Variants in MYOM1 observed in about 807,000 individuals in gnomAD.
MYOM1 encodes myomesin-1.
In MYOM1, 164 loss-of-function variants were observed where a neutral mutation model predicts 205.3. The ratio of observed to expected loss-of-function variants is 0.80; its 90% CI spans 0.70 to 0.91. The LOEUF (loss-of-function observed/expected upper bound fraction) is 0.91. Among genes scored for constraint, MYOM1 ranks in the 40% least tolerant of loss-of-function variants. The pLI, the probability that MYOM1 is intolerant of heterozygous loss-of-function variation, is 0.00. For missense variants in MYOM1, 2,011 were observed against 2,127.3 expected, an observed-to-expected ratio of 0.95 and a Z score of 1.08; for synonymous variants, 772 against 789.4, an observed-to-expected ratio of 0.98 and a Z score of 0.37.
chr18:3,145,253 T>C (rs1303192344), intron 13 of MYOM1, among the ~76,000 whole-genome samples: 1 of 150,510 alleles, frequency 6.6e-6, no homozygotes, highest in East Asian at 1.9e-4. Flanking sequence ...GAGGTTGCAG[T>C]GAGCCAACAT....
At position 3,193,361 on chromosome 18, in the gene MYOM1, T is replaced by TACAC. The variant is rs58632082; in HGVS notation, c.431+453_431+456dup. Among the ~76,000 whole-genome samples the TACAC allele has an allele frequency of 5.2e-3, 709 of 135,896 alleles. 7 individuals carry two copies. Among genetic ancestry groups the TACAC allele is most frequent in the Admixed American group, 8.2e-3 (112 of 13,642 alleles). 89.2% of individuals were successfully genotyped at this position (135,896 alleles called of 152,430 possible). On this transcript the variant is annotated intron_variant, in intron 3 of 37. Transcript: ENST00000356443. The stretch of plus-strand genomic sequence containing the variant: ...ATGTACATATACATATATATATATA[T>TACAC]ACACACACACACACACACACAATAA...
rs542887277 is a variant in MYOM1 at position 3,162,933 on chromosome 18, A to G, written c.1501+1345T>C. On this transcript the variant is annotated intron_variant, in intron 10 of 37. Transcript: ENST00000356443. The stretch of plus-strand genomic sequence containing the variant: ...CCCAGCTACTCGGGAGGCTGACGCA[A>G]GAGAATGGTGTGAACCCAGGAGGCG... 8.7e-3 allele frequency among the ~76,000 whole-genome samples: 1,330 copies of G among 152,086 alleles called. 19 individuals carry two copies. Among genetic ancestry groups the G allele is most frequent in the African/African-American group, 0.031 (1,282 of 41,490 alleles).
Position 3,071,144 on chromosome 18 carries a change from A to C in MYOM1, c.4764+690T>G, listed in dbSNP as rs557615549. On this transcript the variant is annotated intron_variant, in intron 37 of 37. Coordinates refer to ENST00000356443, the MANE Select transcript of MYOM1 (RefSeq NM_003803.4). ...AAAAGAAAGAAAGAAGCCTGTTTTC[A>C]ACAGAACTAGAGCCTATAGAAATTT... 2.6e-5 allele frequency among the ~76,000 whole-genome samples: 4 copies of C among 152,314 alleles called. No individual in the cohort carries two copies. In the South Asian group the frequency reaches 8.3e-4, roughly 32 times the overall value.
chr18:3,221,094 C>T (rs1189644932), upstream of MYOM1, among the ~76,000 whole-genome samples: 1 of 152,114 alleles, frequency 6.6e-6, no homozygotes, highest in Non-Finnish European at 1.5e-5. Flanking sequence ...AGTCTTGGCT[C>T]ACTGCAACCT....
intron 27 of MYOM1, among the ~76,000 whole-genome samples, chr18:3,090,217 AT>A (rs71159040): frequency 0.23 from 28,951 of 124,202 alleles, 2,204 homozygotes; most frequent in South Asian, 0.24. Context: ...TGAAAACTGT[AT>A]TTTTTTTTTT....
At chr18:3,120,532 C>T (rs1385393777) in intron 19 of MYOM1, among the ~76,000 whole-genome samples, 1 of 152,166 alleles carries the variant, frequency 6.6e-6, no homozygotes, top group East Asian at 1.9e-4. Flanking sequence ...AAGAGGAACT[C>T]AACATGAATG....
intron 13 of MYOM1, among the ~76,000 whole-genome samples, chr18:3,147,844 GA>G (rs949991542): frequency 6.6e-6 from 1 of 152,120 alleles, no homozygotes; most frequent in African/African-American, 2.4e-5. Flanking sequence ...TTGTAATGTA[GA>G]AAAAATTAAT....
chr18:3,176,714 C>T (rs1292023255), intron 5 of MYOM1, among the ~76,000 whole-genome samples: 1 of 151,444 alleles, frequency 6.6e-6, no homozygotes, highest in Non-Finnish European at 1.5e-5. Context: ...AATACCATCT[C>T]TACTAGTAAT....
intron 13 of MYOM1, among the ~76,000 whole-genome samples, chr18:3,144,944 C>A (rs2080103828): frequency 1.3e-5 from 2 of 152,132 alleles, no homozygotes; most frequent in Admixed American, 6.5e-5. Flanking sequence ...AATTATGGAT[C>A]TAAAAGACTT....
rs1166304256 is a variant in MYOM1, at chr18:3,219,491, C to T, written c.-29+312G>A. ...CATCCATTTCAGATTTCAACCAAAC[C>T]GTACTTGGAAATAGCATTAAACACA... On this transcript the variant is annotated intron_variant, in intron 1 of 37. Transcript: ENST00000356443. The surrounding 1 kb of genome is among the most constrained non-coding windows in gnomAD (Gnocchi z 4.4). 6.6e-6 allele frequency among the ~76,000 whole-genome samples: 1 copy of T among 152,108 alleles called. No homozygotes were observed. The highest frequency in any genetic ancestry group is 1.5e-5 in the Non-Finnish European group (1 of 68,014).
At chr18:3,183,189 A>G (rs547459111) in intron 5 of MYOM1, among the ~76,000 whole-genome samples, 1 of 152,224 alleles carries the variant, frequency 6.6e-6, no homozygotes, top group African/African-American at 2.4e-5. Flanking sequence ...TCGGCCTCCC[A>G]AAGTGCTGGG....
intron 16 of MYOM1, among the ~76,000 whole-genome samples, chr18:3,133,867 CTTGT>C (rs899504521): frequency 2.0e-5 from 3 of 151,902 alleles, no homozygotes; most frequent in Admixed American, 2.0e-4. Context: ...TTTTGTTTTG[CTTGT>C]TTGTTTTTTG....
intron 26 of MYOM1, among the ~76,000 whole-genome samples, chr18:3,092,487 C>T (rs2079238764): frequency 6.6e-6 from 1 of 152,228 alleles, no homozygotes; most frequent in Admixed American, 6.5e-5. Flanking sequence ...GCCACCATGA[C>T]TGGCCCTATT....
chr18:3,081,058 G>C (rs911624143), intron 33 of MYOM1, among the ~76,000 whole-genome samples: 2 of 151,718 alleles, frequency 1.3e-5, no homozygotes, highest in African/African-American at 4.8e-5. Context: ...CTTGACCCTG[G>C]AGGCAGAGGT....
intron 10 of MYOM1, among the ~76,000 whole-genome samples, chr18:3,162,326 C>A (rs2080403051): frequency 6.6e-6 from 1 of 152,100 alleles, no homozygotes; most frequent in Admixed American, 6.5e-5. Context: ...ATCCCCGGGG[C>A]CAGATACCAG....
rs2078903035 is a variant in MYOM1 at position 3,067,077 on chromosome 18, T to C, written c.*185A>G. Reference sequence around the variant, plus strand: ...GGTATTTTCTTAACACATAATTTTGTAGATAAAGAAAAACAATTAAAGTGT... The same window carrying C: ...GGTATTTTCTTAACACATAATTTTGCAGATAAAGAAAAACAATTAAAGTGT... On this transcript the variant is annotated 3_prime_UTR_variant, in exon 38 of 38. Coordinates refer to ENST00000356443, the MANE Select transcript of MYOM1 (RefSeq NM_003803.4). 4.8e-6 allele frequency: 3 copies of C among 630,608 alleles called. No homozygotes were observed. The African/African-American group carries it at 5.5e-5, about 12-fold the overall frequency. 39.1% of individuals were successfully genotyped at this position (630,608 alleles called of 1,614,324 possible). A position where few individuals can be genotyped will look rare whatever the true frequency, so the allele number is the denominator to read the frequency against.
At chr18:3,194,189 G>A (rs866600246) in intron 2 of MYOM1, among the ~76,000 whole-genome samples, 12 of 152,308 alleles carry the variant, frequency 7.9e-5, no homozygotes, top group South Asian at 6.2e-4. Context: ...TACAGTAATT[G>A]CATGGCTTTT....
intron 14 of MYOM1, among the ~76,000 whole-genome samples, chr18:3,141,226 G>C (rs2080044647): frequency 6.6e-6 from 1 of 152,144 alleles, no homozygotes. Context: ...TTCTCCATTT[G>C]TTGGGCATAA....
chr18:3,153,629 A>G (rs1435504380), intron 11 of MYOM1, among the ~76,000 whole-genome samples: 2 of 152,232 alleles, frequency 1.3e-5, no homozygotes, highest in South Asian at 2.1e-4. Context: ...CTACTAAATG[A>G]TGAAATGTTG....
Sources: gnomAD v4.1 joint callset for allele counts (sites outside exome capture counted in the v4.1 genomes callset) on GRCh38, gnomAD v4.1.1 for gene constraint, Gnocchi (gnomAD v3.1) non-coding constraint, MANE v1.5 for transcripts, NCBI Gene and HGNC (gene_info 2026-07-23, HGNC 2026-07-21) for gene names.